Variants in DNA2 observed in about 807,000 individuals in gnomAD.
DNA2 encodes the protein DNA replication ATP-dependent helicase/nuclease DNA2.
Under a neutral mutation model 119.1 loss-of-function variants are expected in DNA2, and 101 were observed. The observed-to-expected ratio is 0.85, with a 90% confidence interval of 0.72 to 1.00. DNA2 has a LOEUF of 1.00. Ranked by LOEUF, DNA2 falls within the 50% of genes least tolerant of loss-of-function variation. DNA2 has a pLI of 0.00. For missense variants in DNA2, 1,121 were observed against 1,255.5 expected (o/e 0.89, Z 1.62); for synonymous variants, 366 against 424.4 (o/e 0.86, Z 1.69).
At chr10:68,439,300 A>G (rs899438729) in intron 9 of DNA2, among the ~76,000 whole-genome samples, 11 of 151,954 alleles carry the variant, frequency 7.2e-5, no homozygotes, top group African/African-American at 2.7e-4. Flanking sequence ...AGGCTGAGGC[A>G]GGAGAATCAC....
At chr10:68,415,198 A>C in intron 20 of DNA2, 91 bp from the exon 21 acceptor site, 2 of 733,970 alleles carry the variant, frequency 2.7e-6, no homozygotes, top group Non-Finnish European at 2.2e-6. Context: ...TTTGACTTAC[A>C]GGACCACAAA....
intron 14 of DNA2, among the ~76,000 whole-genome samples, chr10:68,426,427 A>G (rs1404087373): frequency 6.6e-6 from 1 of 152,130 alleles, no homozygotes; most frequent in Non-Finnish European, 1.5e-5. Context: ...AGTCCCAGCT[A>G]CTTGAAAGGC....
chr10:68,467,908 T>G (rs766936022), intron 3 of DNA2, among the ~76,000 whole-genome samples: 1 of 152,190 alleles, frequency 6.6e-6, no homozygotes, highest in Non-Finnish European at 1.5e-5. Flanking sequence ...CTCAGGCACC[T>G]GGCCTTTAGT....
chr10:68,468,390 A>T, intron 2 of DNA2, 84 bp from the exon 3 acceptor site: 1 of 908,010 alleles, frequency 1.1e-6, no homozygotes, highest in Non-Finnish European at 1.5e-6. Flanking sequence ...AAAAAAATAA[A>T]TGAGTATTTT....
chr10:68,426,670 T>C (rs2051745937), intron 14 of DNA2, among the ~76,000 whole-genome samples: 1 of 147,556 alleles, frequency 6.8e-6, no homozygotes, highest in South Asian at 2.1e-4. Context: ...ACCCCGTCTC[T>C]ACTAAAAAAA....
chr10:68,417,391 CAAAAAAAAA>C (rs35777569), intron 19 of DNA2, among the ~76,000 whole-genome samples: 2 of 77,504 alleles, frequency 2.6e-5, no homozygotes, highest in African/African-American at 5.4e-5. Flanking sequence ...ATAAGAAAAC[CAAAAAAAAA>C]AAAAAAAAAA....
At position 68,414,436 on chromosome 10, in the gene DNA2, G is replaced by A. The variant is rs1255763426; in HGVS notation, c.*603C>T. On this transcript the variant is annotated 3_prime_UTR_variant, in exon 21 of 21. Coordinates refer to ENST00000358410, the MANE Select transcript of DNA2 (RefSeq NM_001080449.3). The stretch of plus-strand genomic sequence containing the variant: ...AACAAAATTTGTTGCAAAAGATGAT[G>A]TAAGAATTATTTTCTTTTATATCAA... The A allele has an allele frequency of 6.6e-6, 1 of 152,112 alleles. No homozygotes were observed. The highest frequency in any genetic ancestry group is 1.5e-5 in the Non-Finnish European group (1 of 68,014). 9.4% of individuals were successfully genotyped at this position (152,112 alleles called of 1,614,324 possible). A position where few individuals can be genotyped will look rare whatever the true frequency, so the allele number is the denominator to read the frequency against.
intron 10 of DNA2, among the ~76,000 whole-genome samples, chr10:68,435,142 C>T (rs2051871148): frequency 6.6e-6 from 1 of 151,988 alleles, no homozygotes; most frequent in Non-Finnish European, 1.5e-5. Context: ...CAGCCTCAAC[C>T]TCCTGGGCTC....
chr10:68,427,650 A>AACACACACACACACACAC (rs151180015), intron 14 of DNA2, among the ~76,000 whole-genome samples: 5,158 of 140,098 alleles, frequency 0.037, 148 homozygotes, highest in South Asian at 0.1. Context: ...CCTTGTCTCA[A>AACACACACACACACACAC]ACACACACAC....
chr10:68,445,089 A>C lies in DNA2; in HGVS notation c.1058-6T>G, dbSNP rs1156376553. On this transcript the variant is annotated splice_polypyrimidine_tract_variant and splice_region_variant and intron_variant, in intron 7 of 20. Coordinates refer to ENST00000358410, the MANE Select transcript of DNA2 (RefSeq NM_001080449.3). ...GTTTCTTAGCTTTAATAATTCTATG[A>C]AAAAAAAGGTGAATGTCTTTTTAAG... 2 of 1,556,184 alleles carry C rather than the reference A, an allele frequency of 1.3e-6. No homozygotes were observed. The highest frequency in any genetic ancestry group is 4.7e-5 in the East Asian group (2 of 42,824).
In DNA2 at chr10:68,422,252, A is replaced by C. The variant is rs372040451; in HGVS notation, c.2670T>G (p.Asn890Lys). 1 of 1,610,384 alleles carries C rather than the reference A, an allele frequency of 6.2e-7. No homozygotes were observed. The highest frequency in any genetic ancestry group is 1.3e-5 in the African/African-American group (1 of 74,844). ...TGTCTGTATTAAGGAAACAAACAGGATTGTTGGGTTCAAATACTCCCATCA... is the reference window on the plus strand; with the variant it reads ...TGTCTGTATTAAGGAAACAAACAGGCTTGTTGGGTTCAAATACTCCCATCA... ...PWLMGVFEPN[N>K]PVCFLNTDKV... Residue 890 changes from asparagine (N) to lysine (K), a missense_variant, in exon 17 of 21, where the codon AAT (asparagine) becomes AAG (lysine). Transcript: ENST00000358410.
In DNA2 at chr10:68,428,093, C is replaced by T. The variant is rs1008295118; in HGVS notation, c.2208+2343G>A. On this transcript the variant is annotated intron_variant, in intron 14 of 20. Transcript: ENST00000358410. Reference sequence around the variant, plus strand: ...CTGTAATCCCAACACTTTAGGAGGCCGAGACAGGCAGATCACAAGGTCAGG... The same window carrying T: ...CTGTAATCCCAACACTTTAGGAGGCTGAGACAGGCAGATCACAAGGTCAGG... Among the ~76,000 whole-genome samples the T allele has an allele frequency of 6.6e-5, 10 of 151,252 alleles. No individual in the cohort carries two copies. The South Asian group carries it at 1.7e-3, about 25-fold the overall frequency.
At position 68,458,117 on chromosome 10, in the gene DNA2, G is replaced by A. The variant is rs1018805240; in HGVS notation, c.719+987C>T. On this transcript the variant is annotated intron_variant, in intron 5 of 20. Coordinates refer to ENST00000358410, the MANE Select transcript of DNA2 (RefSeq NM_001080449.3). ...GAACCCAGGAGGTGGAGGTTGCAGTGAGCAGAGATCACACCATTGCACTCC... is the reference window on the plus strand; with the variant it reads ...GAACCCAGGAGGTGGAGGTTGCAGTAAGCAGAGATCACACCATTGCACTCC... 2.0e-5 allele frequency among the ~76,000 whole-genome samples: 3 copies of A among 151,358 alleles called. No homozygotes were observed. In the East Asian group the frequency reaches 5.8e-4, roughly 29 times the overall value.
At chr10:68,429,342 C>T (rs567867095) in intron 14 of DNA2, among the ~76,000 whole-genome samples, 7 of 151,294 alleles carry the variant, frequency 4.6e-5, no homozygotes, top group African/African-American at 1.5e-4. Flanking sequence ...GTTGGGAGTG[C>T]GAGACCAGCC....
intron 19 of DNA2, among the ~76,000 whole-genome samples, chr10:68,417,813 A>G (rs2051611645): frequency 6.6e-6 from 1 of 152,228 alleles, no homozygotes; most frequent in Admixed American, 6.5e-5. Context: ...TATAGAGACA[A>G]TGGAATATTA....
At chr10:68,442,166 C>T (rs1231809718) in intron 9 of DNA2, among the ~76,000 whole-genome samples, 1 of 151,640 alleles carries the variant, frequency 6.6e-6, no homozygotes, top group Non-Finnish European at 1.5e-5. Context: ...CCACCTGCTT[C>T]GGCATCCCAA....
At chr10:68,472,203 T>G, upstream of DNA2, 1 of 1,246,980 alleles carries the variant, frequency 8.0e-7, no homozygotes, top group Non-Finnish European at 1.0e-6. Flanking sequence ...CACACCATTC[T>G]CCTGCTTCAG....
intron 10 of DNA2, among the ~76,000 whole-genome samples, chr10:68,435,478 CAG>C (rs1338995818): frequency 2.6e-5 from 4 of 151,880 alleles, no homozygotes; most frequent in African/African-American, 9.7e-5. Context: ...TATTTTTAGA[CAG>C]AGTCTCACTC....
rs1474206624 is a variant in DNA2, at chr10:68,416,803, G to C, written c.3020C>G (p.Ala1007Gly). 6.2e-7 allele frequency: 1 copy of C among 1,613,782 alleles called. No homozygotes were observed. Among genetic ancestry groups the C allele is most frequent in the South Asian group, 1.1e-5 (1 of 91,072 alleles). The change falls in exon 20 of 21, where the codon GCC becomes GGC. Residue 1007 changes from alanine (A) to glycine (G), a missense_variant. By Grantham distance (60) the Ala-to-Gly change is moderately conservative. Coordinates refer to ENST00000358410, the MANE Select transcript of DNA2 (RefSeq NM_001080449.3). ...WRRLNVAITR[A>G]KHKLILLGCV... ...CCCCAGAAGAATCAGTTTATGTTTG[G>C]CTCTGGTTATAGCAACATTAAGACG... is the stretch of plus-strand genomic sequence containing the variant.
Sources: gnomAD v4.1 joint callset for allele counts (sites outside exome capture counted in the v4.1 genomes callset) on GRCh38, gnomAD v4.1.1 for gene constraint, MANE v1.5 for transcripts, NCBI Gene and HGNC (gene_info 2026-07-23, HGNC 2026-07-21) for gene names.